The following PDE6A variants were observed in gnomAD, a reference collection of about 807,000 sequenced individuals.
PDE6A encodes the protein rod cGMP-specific 3',5'-cyclic phosphodiesterase subunit alpha.
In PDE6A, 84 loss-of-function variants were observed where a neutral mutation model predicts 106.3. The ratio of observed to expected loss-of-function variants is 0.79; its 90% CI spans 0.66 to 0.95. The LOEUF is 0.95. Ranked by LOEUF, PDE6A falls within the 40% of genes least tolerant of loss-of-function variation. The probability of loss-of-function intolerance (pLI) is 0.00; values close to 1 mark genes in which losing one functional copy is unlikely to be tolerated. For missense variants in PDE6A, 1,052 were observed against 1,084.9 expected (o/e 0.97, Z 0.43); for synonymous variants, 394 against 386.6 (o/e 1.02, Z -0.23).
At chr5:149,912,706 T>G (rs1753424658) in intron 6 of PDE6A, among the ~76,000 whole-genome samples, 1 of 152,142 alleles carries the variant, frequency 6.6e-6, no homozygotes, top group South Asian at 2.1e-4. Context: ...GCACCCATAC[T>G]GGGATGGTGA....
chr5:149,864,561 C>T (rs1406938335), intron 20 of PDE6A, among the ~76,000 whole-genome samples: 3 of 152,214 alleles, frequency 2.0e-5, no homozygotes, highest in African/African-American at 7.2e-5. Flanking sequence ...GCTCTTACAG[C>T]TCTTTGAGCA....
intron 6 of PDE6A, among the ~76,000 whole-genome samples, chr5:149,913,355 C>A (rs1040106811): frequency 1.1e-4 from 17 of 149,282 alleles, no homozygotes; most frequent in African/African-American, 4.2e-4. Flanking sequence ...GCACTCCAGC[C>A]TGGGAGACAG....
chr5:149,903,504 A>G, intron 8 of PDE6A, 144 bp downstream of exon 8: 2 of 710,538 alleles, frequency 2.8e-6, no homozygotes, highest in East Asian at 2.6e-5. Flanking sequence ...CCCCATTTCC[A>G]TTGGTACAGG....
chr5:149,903,505 T>C (rs1421046277), intron 8 of PDE6A, 143 bp downstream of exon 8: 10 of 711,052 alleles, frequency 1.4e-5, no homozygotes, highest in South Asian at 1.1e-4. Flanking sequence ...CCCATTTCCA[T>C]TGGTACAGGA....
rs546362049 is a variant in PDE6A at position 149,913,274 on chromosome 5, C to T, written c.998+1669G>A. 1.1e-4 allele frequency among the ~76,000 whole-genome samples: 17 copies of T among 151,458 alleles called. No homozygotes were observed. In the South Asian group the frequency reaches 1.5e-3, roughly 13 times the overall value. On this transcript the variant is annotated intron_variant, in intron 6 of 21. Coordinates refer to ENST00000255266, the MANE Select transcript of PDE6A (RefSeq NM_000440.3). ...GCGTGTGCCTGTAATCCCAGCTACT[C>T]GGGAGGCTGAGGCAGGAGAATCGCT...
chr5:149,932,195 A>G, intron 3 of PDE6A: 1 of 1,277,326 alleles, frequency 7.8e-7, no homozygotes, highest in East Asian at 2.3e-5. Flanking sequence ...ATGTTCCTTC[A>G]ATTGTTGTAT....
At chr5:149,899,581 T>C in intron 8 of PDE6A, 57 bp from the exon 9 acceptor site, 1 of 1,554,634 alleles carries the variant, frequency 6.4e-7, no homozygotes, top group Non-Finnish European at 8.9e-7. Flanking sequence ...GAGGCAACGA[T>C]GATAGATTTC....
At chr5:149,864,381 G>GGCAT (rs1158476224) in intron 20 of PDE6A, among the ~76,000 whole-genome samples, 1 of 152,102 alleles carries the variant, frequency 6.6e-6, no homozygotes, top group Non-Finnish European at 1.5e-5. Flanking sequence ...TGGGATTACA[G>GGCAT]GCATGCACCA....
intron 4 of PDE6A, among the ~76,000 whole-genome samples, chr5:149,926,439 G>A (rs1433748008): frequency 6.6e-6 from 1 of 152,004 alleles, no homozygotes; most frequent in Non-Finnish European, 1.5e-5. Context: ...TGCTTGTACA[G>A]AAAAATGAAT....
At position 149,896,561 on chromosome 5, in the gene PDE6A, T is replaced by C. The variant is rs10053292; in HGVS notation, c.1474-59A>G. ...CATGAAGTGTTTCTGGGTGCCCACCTCCTGTCCAGCCCTGTCCCCATCCTG... is the reference window on the plus strand; with the variant it reads ...CATGAAGTGTTTCTGGGTGCCCACCCCCTGTCCAGCCCTGTCCCCATCCTG... On this transcript the variant is annotated intron_variant, in intron 11 of 21. Coordinates refer to ENST00000255266, the MANE Select transcript of PDE6A (RefSeq NM_000440.3). 0.13 allele frequency: 204,132 copies of C among 1,613,780 alleles called. 13,590 individuals are homozygous for C. Among genetic ancestry groups the C allele is most frequent in the South Asian group, 0.19 (16,913 of 90,980 alleles).
At chr5:149,875,062 A>G (rs1760690006) in intron 17 of PDE6A, among the ~76,000 whole-genome samples, 1 of 152,148 alleles carries the variant, frequency 6.6e-6, no homozygotes, top group South Asian at 2.1e-4. Flanking sequence ...CAAAGCCCCA[A>G]GTGTGTAACA....
chr5:149,913,456 C>T (rs760652942), intron 6 of PDE6A, among the ~76,000 whole-genome samples: 100 of 151,886 alleles, frequency 6.6e-4, no homozygotes, highest in Non-Finnish European at 1.1e-3. Flanking sequence ...ATAGAGATAA[C>T]CTAGAAATTG....
chr5:149,900,005 A>C (rs1253229225), intron 8 of PDE6A, among the ~76,000 whole-genome samples: 1 of 151,938 alleles, frequency 6.6e-6, no homozygotes, highest in Non-Finnish European at 1.5e-5. Flanking sequence ...TCATCTATAG[A>C]ATGGAAAGAA....
chr5:149,906,937 A>G (rs990168286), intron 7 of PDE6A, among the ~76,000 whole-genome samples: 9 of 151,986 alleles, frequency 5.9e-5, no homozygotes, highest in South Asian at 2.1e-4. Flanking sequence ...ATGCCCAGCA[A>G]ATTTTTATAT....
At chr5:149,936,158 AAAGGAAGGAAGGAAGG>A (rs151028032) in intron 1 of PDE6A, among the ~76,000 whole-genome samples, 4 of 130,636 alleles carry the variant, frequency 3.1e-5, no homozygotes, top group South Asian at 2.6e-4. Flanking sequence ...TGTCTCTAAA[AAAGGAAGGAAGGAAGG>A]AAGGAAGGAA....
chr5:149,889,628 G>C (rs943382735), intron 13 of PDE6A, among the ~76,000 whole-genome samples: 1 of 151,924 alleles, frequency 6.6e-6, no homozygotes, highest in Admixed American at 6.6e-5. Flanking sequence ...ATTTTGGGCT[G>C]GATGCAGTGG....
At chr5:149,888,718 A>G (rs1377043389) in intron 13 of PDE6A, among the ~76,000 whole-genome samples, 1 of 152,018 alleles carries the variant, frequency 6.6e-6, no homozygotes, top group Non-Finnish European at 1.5e-5. Context: ...TGAATGGATA[A>G]GAAAGTTGTA....
chr5:149,940,611 C>A (rs1561792166), intron 1 of PDE6A, among the ~76,000 whole-genome samples: 1 of 150,750 alleles, frequency 6.6e-6, no homozygotes, highest in African/African-American at 2.5e-5. Flanking sequence ...GATTCTCCTG[C>A]CTCAGCCTCC....
At chr5:149,900,375 G>GTATATATATATA (rs55680278) in intron 8 of PDE6A, among the ~76,000 whole-genome samples, 18,973 of 82,204 alleles carry the variant, frequency 0.23, 4,115 homozygotes, top group Non-Finnish European at 0.32. Flanking sequence ...AAATATATAT[G>GTATATATATATA]TATATATATA....
Sources: allele counts gnomAD v4.1 joint callset (sites outside exome capture counted in the v4.1 genomes callset), GRCh38; gene constraint gnomAD v4.1.1; transcripts MANE v1.5; gene names NCBI Gene and HGNC (gene_info 2026-07-23, HGNC 2026-07-21).